Variants in AAMDC observed in about 807,000 individuals in gnomAD.
AAMDC encodes mth938 domain-containing protein.
Under a neutral mutation model 15.5 loss-of-function variants are expected in AAMDC, and 16 were observed. That is an observed-to-expected ratio of 1.03 (90% confidence interval 0.70 to 1.57). AAMDC has a LOEUF of 1.57. Among genes scored for constraint, AAMDC ranks in the 40% most tolerant of loss-of-function variants. The pLI, the probability that AAMDC is intolerant of heterozygous loss-of-function variation, is 0.00. For synonymous variants in AAMDC, 51 were observed against 51.6 expected, an observed-to-expected ratio of 0.99 and a Z score of 0.05; for missense variants, 141 against 144.9, an observed-to-expected ratio of 0.97 and a Z score of 0.14.
At chr11:77,876,672 C>T (rs615063), downstream of AAMDC, among the ~76,000 whole-genome samples, 127 of 152,238 alleles carry the variant, frequency 8.3e-4, 2 homozygotes, top group Admixed American at 6.5e-4. Context: ...TGATACCAAG[C>T]CAAAACCTGT....
rs183154619 is a variant in AAMDC, at chr11:77,900,512, T to A, written c.329-59T>A. 2.0e-4 allele frequency: 120 copies of A among 613,178 alleles called. 1 individual carries two copies. In the East Asian group the frequency reaches 2.8e-3, roughly 14 times the overall value. The allele number at this position is 613,178 out of a possible 1,614,324, so 38.0% of individuals were successfully genotyped here. ...AGGATGTTATTTCTGACCTAGTATG[T>A]TTCTGTGTTTAAGCATTCATATTTA... On this transcript the variant is annotated intron_variant, in intron 5 of 5. Transcript: ENST00000304716.
intron 1 of AAMDC, among the ~76,000 whole-genome samples, chr11:77,825,239 C>T (rs557411152): frequency 6.6e-6 from 1 of 151,944 alleles, no homozygotes; most frequent in Non-Finnish European, 1.5e-5. Flanking sequence ...ACCTCAGCCT[C>T]CCAAAGTGCT....
intron 2 of AAMDC, among the ~76,000 whole-genome samples, chr11:77,845,622 G>A (rs766740547): frequency 6.6e-5 from 10 of 152,160 alleles, no homozygotes; most frequent in Non-Finnish European, 1.2e-4. Context: ...TAGAGACAGG[G>A]TTTTACCATG....
At chr11:77,846,361 G>C (rs899104435) in intron 2 of AAMDC, among the ~76,000 whole-genome samples, 5 of 152,182 alleles carry the variant, frequency 3.3e-5, no homozygotes, top group Admixed American at 6.5e-5. Context: ...GCTCACGCCT[G>C]TGATCACAGC....
intron 2 of AAMDC, among the ~76,000 whole-genome samples, chr11:77,846,324 A>C (rs1768895357): frequency 6.6e-6 from 1 of 152,194 alleles, no homozygotes; most frequent in Non-Finnish European, 1.5e-5. Context: ...TTCTTTTAGA[A>C]AAATCAGTAT....
intron 2 of AAMDC, among the ~76,000 whole-genome samples, chr11:77,864,186 CAA>C (rs1201419929): frequency 6.6e-6 from 1 of 152,152 alleles, no homozygotes; most frequent in Non-Finnish European, 1.5e-5. Flanking sequence ...CTCAGCCTCC[CAA>C]AGTGTTGGGA....
At chr11:77,866,302 T>G (rs1175971560) in intron 2 of AAMDC, 1 of 152,170 alleles carries the variant, frequency 6.6e-6, no homozygotes, top group East Asian at 1.9e-4. Context: ...TTTTACCACC[T>G]TAGATCGTGT....
chr11:77,831,757 A>C (rs933618146), intron 1 of AAMDC: 4 of 147,202 alleles, frequency 2.7e-5, no homozygotes, highest in Non-Finnish European at 4.4e-5. Flanking sequence ...GTGCAGTGGT[A>C]CGATCTTGGC....
chr11:77,883,029 T>C (rs150256315), intron 5 of AAMDC, among the ~76,000 whole-genome samples: 37 of 152,082 alleles, frequency 2.4e-4, no homozygotes, highest in African/African-American at 7.7e-4. Flanking sequence ...TGAGCCGAGA[T>C]TGCACCACTG....
chr11:77,845,222 T>C (rs1490879215), intron 2 of AAMDC, among the ~76,000 whole-genome samples: 1 of 152,166 alleles, frequency 6.6e-6, no homozygotes, highest in Non-Finnish European at 1.5e-5. Flanking sequence ...GTGACTCTCA[T>C]TATGAATATA....
chr11:77,823,147 G>A lies in AAMDC; in HGVS notation c.-19+1906G>A, dbSNP rs1388145092. Among the ~76,000 whole-genome samples, 9 of 149,852 alleles carry A rather than the reference G, an allele frequency of 6.0e-5. No homozygotes were observed. In the East Asian group the frequency reaches 1.4e-3, roughly 23 times the overall value. The stretch of plus-strand genomic sequence containing the variant: ...GGAGAATGGCATGGACCCGGGAGGC[G>A]GAGCTTGCAGTGAGCCAAGGTTGTG... On this transcript the variant is annotated intron_variant, in intron 1 of 3. Coordinates refer to ENST00000393427, the MANE Select transcript of AAMDC (RefSeq NM_024684.4).
intron 2 of AAMDC, among the ~76,000 whole-genome samples, chr11:77,857,705 T>G (rs1005661557): frequency 1.3e-5 from 2 of 151,738 alleles, no homozygotes; most frequent in African/African-American, 2.4e-5. Flanking sequence ...AGTTGTTTTT[T>G]TTTTTTTTTG....
At chr11:77,870,563 T>C (rs1951381046) in intron 3 of AAMDC, among the ~76,000 whole-genome samples, 1 of 151,996 alleles carries the variant, frequency 6.6e-6, no homozygotes, top group African/African-American at 2.4e-5. Context: ...GGTCTTGATC[T>C]CCTGACCTCG....
intron 2 of AAMDC, chr11:77,855,452 TG>T: frequency 5.5e-6 from 1 of 182,226 alleles, no homozygotes; most frequent in Non-Finnish European, 1.2e-5. Context: ...CCCAAGTAGC[TG>T]GGACTACAGG....
At chr11:77,862,957 T>C (rs1268224640) in intron 2 of AAMDC, among the ~76,000 whole-genome samples, 1 of 152,172 alleles carries the variant, frequency 6.6e-6, no homozygotes, top group Non-Finnish European at 1.5e-5. Flanking sequence ...TTCCCATTAC[T>C]TTGGAGGTCC....
chr11:77,894,659 G>A (rs1952434561), intron 5 of AAMDC, among the ~76,000 whole-genome samples: 1 of 152,228 alleles, frequency 6.6e-6, no homozygotes, highest in African/African-American at 2.4e-5. Context: ...GCAGTACAGT[G>A]TCAAGTTCCC....
At chr11:77,888,849 G>T (rs1053243512) in intron 5 of AAMDC, among the ~76,000 whole-genome samples, 6 of 152,198 alleles carry the variant, frequency 3.9e-5, no homozygotes, top group African/African-American at 1.4e-4. Flanking sequence ...GGCCATCAGA[G>T]AAATGCAAAT....
chr11:77,900,334 CGTGAT>C (rs745598682), intron 5 of AAMDC, among the ~76,000 whole-genome samples: 178 of 152,214 alleles, frequency 1.2e-3, no homozygotes, highest in Non-Finnish European at 2.2e-3. Flanking sequence ...CTCCTGACCT[CGTGAT>C]CTGCCCACCT....
chr11:77,823,527 C>T (rs572956306), intron 1 of AAMDC, among the ~76,000 whole-genome samples: 5 of 146,856 alleles, frequency 3.4e-5, no homozygotes, highest in Admixed American at 2.1e-4. Flanking sequence ...CCAAGGAGTT[C>T]GAGACCAGCC....
Sources: allele counts gnomAD v4.1 joint callset (sites outside exome capture counted in the v4.1 genomes callset), GRCh38; gene constraint gnomAD v4.1.1; transcripts MANE v1.5; gene names NCBI Gene and HGNC (gene_info 2026-07-23, HGNC 2026-07-21).